RSU1: variants seen among roughly 807,000 people sequenced by gnomAD.
The protein encoded by RSU1 is rsu-1.
A neutral mutation model predicts 31.1 loss-of-function variants in RSU1; 26 were observed. That is an observed-to-expected ratio of 0.84 (90% CI 0.61 to 1.16). The LOEUF is 1.16. Among genes scored for constraint, RSU1 ranks in the 50% most tolerant of loss-of-function variants. The pLI is 0.00. For synonymous variants in RSU1, 164 were observed against 136.3 expected (o/e 1.20, Z -1.41); for missense variants, 320 against 339.1 (o/e 0.94, Z 0.44).
chr10:16,643,891 A>ATT (rs35164780), intron 8 of RSU1, among the ~76,000 whole-genome samples: 16 of 150,410 alleles, frequency 1.1e-4, no homozygotes, highest in African/African-American at 3.9e-4. Context: ...ACAAGTGAAG[A>ATT]TTTTTTTTTT....
intron 2 of RSU1, among the ~76,000 whole-genome samples, chr10:16,798,749 A>G (rs1838090761): frequency 6.6e-6 from 1 of 152,184 alleles, no homozygotes; most frequent in African/African-American, 2.4e-5. Flanking sequence ...ATCAGACCAG[A>G]ATGACCTACG....
At chr10:16,598,008 G>C (rs566948907) in intron 8 of RSU1, among the ~76,000 whole-genome samples, 2 of 152,240 alleles carry the variant, frequency 1.3e-5, no homozygotes, top group Non-Finnish European at 2.9e-5. Context: ...CCAAAGTCTG[G>C]TGTTCCATTC....
intron 7 of RSU1, among the ~76,000 whole-genome samples, chr10:16,709,265 G>T (rs571792053): frequency 6.6e-6 from 1 of 151,756 alleles, no homozygotes. Flanking sequence ...TTGTCCTTGC[G>T]ATAGTTTACT....
chr10:16,699,962 G>A (rs1240232262), intron 7 of RSU1, among the ~76,000 whole-genome samples: 3 of 152,332 alleles, frequency 2.0e-5, no homozygotes, highest in Non-Finnish European at 2.9e-5. Context: ...CCATGCAACT[G>A]CAATTGTGTA....
intron 8 of RSU1, among the ~76,000 whole-genome samples, chr10:16,679,897 T>A (rs953990016): frequency 9.3e-4 from 110 of 117,902 alleles, no homozygotes; most frequent in African/African-American, 3.4e-3. Flanking sequence ...TTTTTTTTTT[T>A]ATGAGACAGA....
At chr10:16,787,377 T>G (rs1837812048) in intron 2 of RSU1, among the ~76,000 whole-genome samples, 1 of 151,860 alleles carries the variant, frequency 6.6e-6, no homozygotes, top group African/African-American at 2.4e-5. Flanking sequence ...CCAGGCCACC[T>G]CCACCAGGAC....
At chr10:16,730,146 T>C (rs1004354115) in intron 7 of RSU1, among the ~76,000 whole-genome samples, 2 of 152,088 alleles carry the variant, frequency 1.3e-5, no homozygotes, top group African/African-American at 4.8e-5. Context: ...TGCTAGGCTC[T>C]TTTTAAGAAT....
chr10:16,710,535 T>C (rs1335689101), intron 7 of RSU1, among the ~76,000 whole-genome samples: 2 of 152,120 alleles, frequency 1.3e-5, no homozygotes, highest in Non-Finnish European at 2.9e-5. Flanking sequence ...ATTTTACAAA[T>C]ACTCCCCACT....
chr10:16,675,978 G>A (rs138208954), intron 8 of RSU1, among the ~76,000 whole-genome samples: 55 of 152,274 alleles, frequency 3.6e-4, no homozygotes, highest in Admixed American at 1.9e-3. Flanking sequence ...AAGGGATCAC[G>A]CAGAAAGCTT....
intron 4 of RSU1, among the ~76,000 whole-genome samples, chr10:16,761,871 CAA>C (rs1286928471): frequency 6.6e-6 from 1 of 151,900 alleles, no homozygotes; most frequent in African/African-American, 2.4e-5. Flanking sequence ...CAAAACAAAA[CAA>C]AAGAGTGCCA....
At chr10:16,597,864 T>C (rs1427559886) in intron 8 of RSU1, among the ~76,000 whole-genome samples, 1 of 152,234 alleles carries the variant, frequency 6.6e-6, no homozygotes, top group African/African-American at 2.4e-5. Flanking sequence ...TGGATGACGC[T>C]GCTGTCCGCC....
chr10:16,593,521 A>T (rs750470033), intron 8 of RSU1, 25 bp from the exon 9 acceptor site: 1 of 1,570,526 alleles, frequency 6.4e-7, no homozygotes, highest in Non-Finnish European at 8.8e-7. Context: ...AAAGGACACT[A>T]TCAGATCTAT....
At chr10:16,733,713 C>T (rs950320367) in intron 7 of RSU1, among the ~76,000 whole-genome samples, 7 of 152,104 alleles carry the variant, frequency 4.6e-5, no homozygotes, top group Non-Finnish European at 7.4e-5. Context: ...AAGTAAAAAA[C>T]GTATATATAC....
intron 7 of RSU1, among the ~76,000 whole-genome samples, chr10:16,724,867 A>T (rs1216158038): frequency 6.6e-6 from 1 of 152,250 alleles, no homozygotes; most frequent in Non-Finnish European, 1.5e-5. Context: ...ATACTGCTCT[A>T]TGCAACAATC....
At chr10:16,817,106 C>T in intron 1 of RSU1, 22 bp from the exon 2 acceptor site, 2 of 1,540,330 alleles carry the variant, frequency 1.3e-6, no homozygotes, top group Non-Finnish European at 1.8e-6. Context: ...AACAACAAAG[C>T]ACGTGGGCGA....
At chr10:16,806,814 C>A (rs543366203) in intron 2 of RSU1, among the ~76,000 whole-genome samples, 2 of 152,126 alleles carry the variant, frequency 1.3e-5, no homozygotes, top group African/African-American at 2.4e-5. Context: ...AGTACAATGG[C>A]GTGATCTTAG....
rs188614127 is a variant in RSU1, at chr10:16,663,057, G to T, written c.731+31966C>A. 1.2e-4 allele frequency among the ~76,000 whole-genome samples: 18 copies of T among 151,804 alleles called. 1 individual carries two copies. Among genetic ancestry groups the T allele is most frequent in the Admixed American group, 7.2e-4 (11 of 15,264 alleles). ...GAAACAGAAAGGAGCTAGAAATAAT[G>T]ACGTAAAGAAAAGCCCATTCATGGT... On this transcript the variant is annotated intron_variant, in intron 8 of 8. Transcript: ENST00000345264.
chr10:16,712,339 T>A (rs1297271763), intron 7 of RSU1, among the ~76,000 whole-genome samples: 1 of 152,196 alleles, frequency 6.6e-6, no homozygotes, highest in African/African-American at 2.4e-5. Context: ...CAAGGTCATA[T>A]CAATAAAAAT....
In RSU1 at chr10:16,687,518, GA is replaced by G. The variant is rs200371683; in HGVS notation, c.731+7504del. Among the ~76,000 whole-genome samples the G allele has an allele frequency of 9.9e-5, 15 of 151,180 alleles. No homozygotes were observed. The East Asian group carries it at 1.5e-3, about 16-fold the overall frequency. On this transcript the variant is annotated intron_variant, in intron 8 of 8. Transcript: ENST00000345264. The stretch of plus-strand genomic sequence containing the variant: ...ATAGTGTTAACCAAGTTACAAGGCA[GA>G]AAAAAAAATCCTTTAAATGCAAAAT...
Sources: gnomAD v4.1 joint callset for allele counts (sites outside exome capture counted in the v4.1 genomes callset) on GRCh38, gnomAD v4.1.1 for gene constraint, MANE v1.5 for transcripts, NCBI Gene and HGNC (gene_info 2026-07-23, HGNC 2026-07-21) for gene names.